The following BBS9 variants were observed in gnomAD, a reference collection of about 807,000 sequenced individuals.
BBS9 encodes protein PTHB1.
In BBS9, 89 loss-of-function variants were observed where a neutral mutation model predicts 117.7. The ratio of observed to expected loss-of-function variants is 0.76; its 90% CI spans 0.64 to 0.90. The LOEUF (loss-of-function observed/expected upper bound fraction) is 0.90, where lower values mean the gene tolerates loss of function less well. BBS9 is among the 40% of genes least tolerant of loss of function. BBS9 has a pLI of 0.00. For missense variants in BBS9, 982 were observed against 1,042.2 expected (o/e 0.94, Z 0.80); for synonymous variants, 379 against 370.9 (o/e 1.02, Z -0.25).
intron 9 of BBS9, among the ~76,000 whole-genome samples, chr7:33,282,664 T>A (rs1802133830): frequency 6.6e-6 from 1 of 152,134 alleles, no homozygotes. Flanking sequence ...AGCCACCGTG[T>A]GTGGCCATGA....
chr7:33,409,384 G>A (rs1368187854), intron 19 of BBS9, among the ~76,000 whole-genome samples: 2 of 152,294 alleles, frequency 1.3e-5, no homozygotes, highest in East Asian at 3.9e-4. Flanking sequence ...TGGATAGCCA[G>A]CTATCCCAGC....
At chr7:33,179,274 T>A (rs1053675768) in intron 5 of BBS9, among the ~76,000 whole-genome samples, 1 of 152,176 alleles carries the variant, frequency 6.6e-6, no homozygotes, top group Admixed American at 6.5e-5. Context: ...TTAGGTCACA[T>A]CAAATGTTAT....
chr7:33,432,089 C>CTTT (rs775827412), intron 19 of BBS9, among the ~76,000 whole-genome samples: 1 of 142,648 alleles, frequency 7.0e-6, no homozygotes. Flanking sequence ...TTCTTTCTTT[C>CTTT]TTTTTTTTTT....
chr7:33,246,472 T>C (rs1393698223), intron 5 of BBS9, among the ~76,000 whole-genome samples: 1 of 152,122 alleles, frequency 6.6e-6, no homozygotes, highest in African/African-American at 2.4e-5. Flanking sequence ...CTGATATTAT[T>C]GCAAGTGAGG....
intron 21 of BBS9, among the ~76,000 whole-genome samples, chr7:33,587,065 G>T (rs896042118): frequency 5.9e-5 from 9 of 152,104 alleles, no homozygotes; most frequent in Non-Finnish European, 7.4e-5. Flanking sequence ...AACAAAAAAG[G>T]TGCAGATTTT....
intron 5 of BBS9, among the ~76,000 whole-genome samples, chr7:33,206,499 C>T (rs1313605875): frequency 1.3e-5 from 2 of 152,006 alleles, no homozygotes; most frequent in Non-Finnish European, 2.9e-5. Context: ...CCCAGGTTTG[C>T]CTATTGTTAA....
In BBS9 at chr7:33,414,554, A is replaced by G. The variant is rs183576553; in HGVS notation, c.2115+26410A>G. Among the ~76,000 whole-genome samples, 191 of 152,324 alleles carry G rather than the reference A, an allele frequency of 1.3e-3. 1 individual carries two copies. Among genetic ancestry groups the G allele is most frequent in the Admixed American group, 8.9e-3 (136 of 15,290 alleles). On this transcript the variant is annotated intron_variant, in intron 19 of 22. Coordinates refer to ENST00000242067, the MANE Select transcript of BBS9 (RefSeq NM_198428.3). ...CATTATTTTAAAAATTGGGATCATC[A>G]TATAAAAATCTGTTGGAATCCTATT... is the stretch of plus-strand genomic sequence containing the variant.
intron 21 of BBS9, among the ~76,000 whole-genome samples, chr7:33,634,727 G>GTAA (rs1358520045): frequency 6.6e-6 from 1 of 152,226 alleles, no homozygotes; most frequent in Non-Finnish European, 1.5e-5. Flanking sequence ...CTGAGGATGT[G>GTAA]TAAGCATGCA....
At chr7:33,512,627 A>G (rs559984875) in intron 20 of BBS9, among the ~76,000 whole-genome samples, 42 of 152,366 alleles carry the variant, frequency 2.8e-4, no homozygotes, top group Non-Finnish European at 1.5e-5. Flanking sequence ...TTTTCTTAAA[A>G]TACTTTTCCC....
intron 4 of BBS9, among the ~76,000 whole-genome samples, chr7:33,175,361 C>T (rs573524333): frequency 2.6e-4 from 39 of 151,766 alleles, no homozygotes; most frequent in African/African-American, 8.7e-4. Flanking sequence ...TTGTGGGGAC[C>T]ATGGAACTGA....
chr7:33,632,571 G>A (rs991353091), intron 21 of BBS9, among the ~76,000 whole-genome samples: 3 of 152,060 alleles, frequency 2.0e-5, no homozygotes, highest in African/African-American at 7.2e-5. Context: ...CTCTGGGTTC[G>A]CCGGATCCTG....
Position 33,155,131 on chromosome 7 carries a change from T to C in BBS9, c.264-507T>C, listed in dbSNP as rs539381169. Among the ~76,000 whole-genome samples, 5 of 152,380 alleles carry C rather than the reference T, an allele frequency of 3.3e-5. No homozygotes were observed. The East Asian group carries it at 9.6e-4, about 29-fold the overall frequency. On this transcript the variant is annotated intron_variant, in intron 3 of 22. Coordinates refer to ENST00000242067, the MANE Select transcript of BBS9 (RefSeq NM_198428.3). ...CAAACAGAAATATTTTCAATACTTG[T>C]AATAAAATTTCAGATATGGAAGTGA...
intron 21 of BBS9, among the ~76,000 whole-genome samples, chr7:33,550,289 A>G (rs927525175): frequency 9.9e-5 from 15 of 151,786 alleles, no homozygotes; most frequent in Admixed American, 9.9e-4. Flanking sequence ...TTTTTTTTGT[A>G]TTTTCCTTTA....
At chr7:33,570,606 A>G (rs1004807087) in intron 21 of BBS9, among the ~76,000 whole-genome samples, 1 of 152,196 alleles carries the variant, frequency 6.6e-6, no homozygotes, top group African/African-American at 2.4e-5. Context: ...GAAACAAAAT[A>G]TTTGCATAGT....
At chr7:33,462,272 C>T (rs912621672) in intron 19 of BBS9, among the ~76,000 whole-genome samples, 2 of 151,986 alleles carry the variant, frequency 1.3e-5, no homozygotes, top group Non-Finnish European at 2.9e-5. Flanking sequence ...TTTTGTATCC[C>T]AGATATATTT....
chr7:33,621,701 AT>A (rs1865415046), intron 21 of BBS9, among the ~76,000 whole-genome samples: 1 of 152,228 alleles, frequency 6.6e-6, no homozygotes, highest in Admixed American at 6.5e-5. Context: ...TAAAATAAGT[AT>A]GTCAAAGAGA....
intron 18 of BBS9, among the ~76,000 whole-genome samples, chr7:33,384,415 G>T (rs1306496503): frequency 6.6e-6 from 1 of 152,138 alleles, no homozygotes; most frequent in Non-Finnish European, 1.5e-5. Flanking sequence ...CAGAGCCTAT[G>T]TTAGATTCTC....
intron 21 of BBS9, among the ~76,000 whole-genome samples, chr7:33,603,066 G>A (rs1279142356): frequency 1.3e-5 from 2 of 152,240 alleles, no homozygotes; most frequent in East Asian, 3.9e-4. Flanking sequence ...GTGGAGACCT[G>A]CCTGTCCCCA....
intron 19 of BBS9, among the ~76,000 whole-genome samples, chr7:33,447,637 G>A (rs1198119760): frequency 6.6e-6 from 1 of 152,144 alleles, no homozygotes; most frequent in African/African-American, 2.4e-5. Flanking sequence ...TACTATCAGG[G>A]TGTTAAATAT....
Sources: gnomAD v4.1 joint callset for allele counts (sites outside exome capture counted in the v4.1 genomes callset) on GRCh38, gnomAD v4.1.1 for gene constraint, MANE v1.5 for transcripts, NCBI Gene and HGNC (gene_info 2026-07-23, HGNC 2026-07-21) for gene names.